MYO3B: variants seen among roughly 807,000 people sequenced by gnomAD.
MYO3B encodes the protein myosin-IIIb.
A neutral mutation model predicts 174.6 loss-of-function variants in MYO3B; 156 were observed. That is an observed-to-expected ratio of 0.89 (90% CI 0.78 to 1.02). The LOEUF is 1.02. Among genes scored for constraint, MYO3B ranks in the 50% least tolerant of loss-of-function variants. The pLI is 0.00. For synonymous variants in MYO3B, 563 were observed against 569.1 expected, an observed-to-expected ratio of 0.99 and a Z score of 0.15; for missense variants, 1,632 against 1,639.4, an observed-to-expected ratio of 1.00 and a Z score of 0.08.
Position 170,444,048 on chromosome 2 carries a change from T to G in MYO3B, c.2730+2T>G. The G allele has an allele frequency of 2.5e-6, 4 of 1,612,260 alleles. No homozygotes were observed. The highest frequency in any genetic ancestry group is 3.4e-6 in the Non-Finnish European group (4 of 1,178,650). On this transcript the variant is annotated splice_donor_variant, in intron 23 of 34. Coordinates refer to ENST00000408978, the MANE Select transcript of MYO3B (RefSeq NM_138995.5). LOFTEE classifies it high-confidence loss of function. ...CATTTCAGTGCTGGGAAAGCCAAGG[T>G]GAGTAACAGATTTGCACCAAATATA... is the stretch of plus-strand genomic sequence containing the variant.
intron 23 of MYO3B, among the ~76,000 whole-genome samples, chr2:170,458,551 C>T (rs1559020440): frequency 6.6e-6 from 1 of 152,206 alleles, no homozygotes. Context: ...AACCCACTTT[C>T]CAGGTTGTTT....
At chr2:170,609,563 C>T (rs1286341980) in intron 32 of MYO3B, among the ~76,000 whole-genome samples, 1 of 152,148 alleles carries the variant, frequency 6.6e-6, no homozygotes, top group African/African-American at 2.4e-5. Flanking sequence ...CATTTAAATA[C>T]AAGAACCAGA....
chr2:170,235,085 T>C (rs1278061977), intron 6 of MYO3B, among the ~76,000 whole-genome samples: 2 of 152,218 alleles, frequency 1.3e-5, no homozygotes, highest in African/African-American at 4.8e-5. Flanking sequence ...ACTCTGGTCT[T>C]CCTGTGCTCA....
intron 30 of MYO3B, among the ~76,000 whole-genome samples, chr2:170,531,435 T>C: frequency 6.6e-6 from 1 of 152,176 alleles, no homozygotes; most frequent in East Asian, 1.9e-4. Context: ...ATAAACGCAC[T>C]TATTTTCTCA....
intron 32 of MYO3B, among the ~76,000 whole-genome samples, chr2:170,552,382 C>T (rs1559109125): frequency 6.6e-6 from 1 of 152,148 alleles, no homozygotes; most frequent in Non-Finnish European, 1.5e-5. Context: ...TTACTGGGAG[C>T]TGCAGTAAAG....
intron 23 of MYO3B, among the ~76,000 whole-genome samples, chr2:170,456,381 T>C (rs894020706): frequency 1.3e-5 from 2 of 152,144 alleles, no homozygotes; most frequent in Non-Finnish European, 2.9e-5. Context: ...CTTTGGTGGG[T>C]CTAGGCTTTA....
rs188138550 is a variant in MYO3B at position 170,246,059 on chromosome 2, G to T, written c.749+9923G>T. Among the ~76,000 whole-genome samples, 1,096 of 152,254 alleles carry T rather than the reference G, an allele frequency of 7.2e-3. 15 individuals carry two copies. The highest frequency in any genetic ancestry group is 0.024 in the South Asian group (115 of 4,822). ...CAATTAATTTTACAAATATAATTTT[G>T]GGATAACATGCATATTATTTTATAT... On this transcript the variant is annotated intron_variant, in intron 7 of 34. Coordinates refer to ENST00000408978, the MANE Select transcript of MYO3B (RefSeq NM_138995.5).
chr2:170,471,218 T>C (rs1230128840), intron 25 of MYO3B, among the ~76,000 whole-genome samples: 2 of 151,888 alleles, frequency 1.3e-5, no homozygotes, highest in African/African-American at 4.8e-5. Flanking sequence ...CCCTGCTAAT[T>C]TTTGTATTTT....
intron 7 of MYO3B, among the ~76,000 whole-genome samples, chr2:170,308,368 T>C (rs1446408642): frequency 6.6e-6 from 1 of 152,236 alleles, no homozygotes; most frequent in Non-Finnish European, 1.5e-5. Context: ...GCCATGTTGC[T>C]GAGTGCGACA....
At chr2:170,636,553 T>G (rs1054976859) in intron 32 of MYO3B, among the ~76,000 whole-genome samples, 1 of 152,038 alleles carries the variant, frequency 6.6e-6, no homozygotes, top group Admixed American at 6.6e-5. Flanking sequence ...CTCAACCCAT[T>G]TAACCCCTCT....
chr2:170,256,973 C>G (rs2093309901), intron 7 of MYO3B, among the ~76,000 whole-genome samples: 1 of 152,078 alleles, frequency 6.6e-6, no homozygotes, highest in Non-Finnish European at 1.5e-5. Flanking sequence ...ATAAAACAGA[C>G]TTTAAACCAA....
intron 7 of MYO3B, among the ~76,000 whole-genome samples, chr2:170,298,161 A>G (rs926452931): frequency 6.6e-6 from 1 of 152,090 alleles, no homozygotes; most frequent in Non-Finnish European, 1.5e-5. Flanking sequence ...AAATTTCCCA[A>G]TCACATCCCA....
intron 32 of MYO3B, among the ~76,000 whole-genome samples, chr2:170,547,807 A>G (rs1222850578): frequency 6.6e-6 from 1 of 152,206 alleles, no homozygotes; most frequent in East Asian, 1.9e-4. Flanking sequence ...TTAAGCAGAC[A>G]AGTAAGTCAA....
intron 8 of MYO3B, among the ~76,000 whole-genome samples, chr2:170,366,787 C>A (rs1292307800): frequency 6.6e-6 from 1 of 152,124 alleles, no homozygotes. Flanking sequence ...ATCTTGCGAC[C>A]GTGTTGGAAG....
rs375371893 is a variant in MYO3B at position 170,238,364 on chromosome 2, TTC to T, written c.749+2245_749+2246del. Among the ~76,000 whole-genome samples, 460 of 149,914 alleles carry T rather than the reference TTC, an allele frequency of 3.1e-3. 7 individuals are homozygous for T. Among genetic ancestry groups the T allele is most frequent in the African/African-American group, 0.01 (425 of 41,196 alleles). On this transcript the variant is annotated intron_variant, in intron 7 of 34. Transcript: ENST00000408978. ...TGCCTGTCTGTCTGTCTGTCTCTCT[TTC>T]TCTCTCTCTCTCTCTCCGCCCCCTC...
rs547774065 is a variant in MYO3B at position 170,222,409 on chromosome 2, A to T, written c.603+5014A>T. Among the ~76,000 whole-genome samples the T allele has an allele frequency of 6.6e-5, 10 of 152,236 alleles. No individual in the cohort carries two copies. The South Asian group carries it at 2.1e-3, about 32-fold the overall frequency. Reference sequence around the variant, plus strand: ...AAACAACAGAAATATATTATCTCACACTTCTGGAGGCTAGAAATCTGAAAC... The same window carrying T: ...AAACAACAGAAATATATTATCTCACTCTTCTGGAGGCTAGAAATCTGAAAC... On this transcript the variant is annotated intron_variant, in intron 6 of 34. Coordinates refer to ENST00000408978, the MANE Select transcript of MYO3B (RefSeq NM_138995.5).
chr2:170,283,556 G>C (rs1485718240), intron 7 of MYO3B, among the ~76,000 whole-genome samples: 2 of 152,030 alleles, frequency 1.3e-5, no homozygotes, highest in Non-Finnish European at 2.9e-5. Context: ...ATCTCCTTTT[G>C]CTCTTAACTG....
At chr2:170,527,552 G>A (rs958076820) in intron 30 of MYO3B, among the ~76,000 whole-genome samples, 3 of 152,114 alleles carry the variant, frequency 2.0e-5, no homozygotes, top group Non-Finnish European at 2.9e-5. Flanking sequence ...CTACTTAACC[G>A]CCTGCCTAAT....
chr2:170,453,516 T>C (rs1225900654), intron 23 of MYO3B, among the ~76,000 whole-genome samples: 1 of 151,188 alleles, frequency 6.6e-6, no homozygotes, highest in Non-Finnish European at 1.5e-5. Context: ...TAAGAAATTC[T>C]TACCCTTTTT....
Sources: gnomAD v4.1 joint callset for allele counts (sites outside exome capture counted in the v4.1 genomes callset) on GRCh38, gnomAD v4.1.1 for gene constraint, MANE v1.5 for transcripts, NCBI Gene and HGNC (gene_info 2026-07-23, HGNC 2026-07-21) for gene names.